CRYBG1: variants seen among roughly 807,000 people sequenced by gnomAD.
CRYBG1 encodes the protein beta/gamma crystallin domain-containing protein 1.
A neutral mutation model predicts 189.2 loss-of-function variants in CRYBG1; 139 were observed. That is an observed-to-expected ratio of 0.73 (90% CI 0.64 to 0.85). The LOEUF (loss-of-function observed/expected upper bound fraction) is 0.85, where lower values mean the gene tolerates loss of function less well. CRYBG1 is among the 40% of genes least tolerant of loss of function. The probability of loss-of-function intolerance (pLI) is 0.00; values close to 1 mark genes in which losing one functional copy is unlikely to be tolerated. For synonymous variants in CRYBG1, 1,023 were observed against 1,017.1 expected (o/e 1.01, Z -0.11); for missense variants, 2,611 against 2,675.8 (o/e 0.98, Z 0.53).
intron 1 of CRYBG1, among the ~76,000 whole-genome samples, chr6:106,439,729 C>T (rs1406734165): frequency 6.7e-6 from 1 of 150,306 alleles, no homozygotes; most frequent in Non-Finnish European, 1.5e-5. Context: ...TTTGTATCAT[C>T]CCTGACTGAA....
intron 2 of CRYBG1, among the ~76,000 whole-genome samples, chr6:106,485,399 T>C (rs1012918537): frequency 1.3e-5 from 2 of 152,222 alleles, no homozygotes; most frequent in African/African-American, 4.8e-5. Flanking sequence ...ACAGGTTTTT[T>C]TGGTGGATTC....
chr6:106,481,537 T>C (rs1213978965), intron 2 of CRYBG1, among the ~76,000 whole-genome samples: 1 of 151,464 alleles, frequency 6.6e-6, no homozygotes, highest in Non-Finnish European at 1.5e-5. Flanking sequence ...TCGATATCTT[T>C]ACCTTCTCTC....
At chr6:106,423,806 A>G (rs1771176950) in intron 1 of CRYBG1, among the ~76,000 whole-genome samples, 1 of 146,626 alleles carries the variant, frequency 6.8e-6, no homozygotes, top group African/African-American at 2.5e-5. Context: ...CCGGGGTTCA[A>G]GTGATCCTCC....
intron 21 of CRYBG1, among the ~76,000 whole-genome samples, chr6:106,567,993 T>G (rs1774941988): frequency 6.8e-6 from 1 of 146,838 alleles, no homozygotes; most frequent in Non-Finnish European, 1.5e-5. Flanking sequence ...TTTTCATTGT[T>G]CATGCAAGTG....
chr6:106,512,442 C>T lies in CRYBG1; in HGVS notation c.1325C>T (p.Ala442Val), dbSNP rs138380284. 4.3e-6 allele frequency: 7 copies of T among 1,610,298 alleles called. No homozygotes were observed. In the African/African-American group the frequency reaches 5.3e-5, roughly 12 times the overall value. ...GACGCCGAGCTCCCTGAGAGCGCTG[C>T]CAGGGACGACGCGGTGTTCGACGAC... The part of the protein sequence containing the change: ...GADAELPESA[A>V]RDDAVFDDEV... The change falls in exon 3 of 22, where the codon GCC becomes GTC. Residue 442 changes from alanine (A) to valine (V), a missense_variant. Ala to Val is a moderately conservative substitution (Grantham distance 64). This residue lies in a region of CRYBG1 where 985 missense variants were observed against 924.4 expected (regional missense o/e 1.07). Coordinates refer to ENST00000633556, the MANE Select transcript of CRYBG1 (RefSeq NM_001371242.2).
At chr6:106,466,299 G>A (rs1772113515) in intron 2 of CRYBG1, among the ~76,000 whole-genome samples, 1 of 152,182 alleles carries the variant, frequency 6.6e-6, no homozygotes, top group South Asian at 2.1e-4. Flanking sequence ...AGCACCAGAA[G>A]GTCAAAGTAT....
chr6:106,376,642 G>C (rs189038758), intron 1 of CRYBG1, among the ~76,000 whole-genome samples: 2 of 152,150 alleles, frequency 1.3e-5, no homozygotes, highest in East Asian at 1.9e-4. Flanking sequence ...TTATGCTTAG[G>C]GGGTAGTAGA....
At chr6:106,404,643 C>A (rs1250890014) in intron 1 of CRYBG1, among the ~76,000 whole-genome samples, 1 of 152,128 alleles carries the variant, frequency 6.6e-6, no homozygotes, top group African/African-American at 2.4e-5. Flanking sequence ...GAGATCAACA[C>A]AGAAGGTGGG....
chr6:106,497,345 A>G (rs1293967994), intron 2 of CRYBG1, among the ~76,000 whole-genome samples: 1 of 152,210 alleles, frequency 6.6e-6, no homozygotes, highest in African/African-American at 2.4e-5. Context: ...AACGAGAGGA[A>G]GTGTGAACTG....
intron 1 of CRYBG1, among the ~76,000 whole-genome samples, chr6:106,402,544 G>A (rs1400953599): frequency 2.3e-5 from 3 of 131,670 alleles, no homozygotes; most frequent in African/African-American, 8.9e-5. Context: ...ACAAGCAATG[G>A]GGAAAGGATT....
At chr6:106,437,488 G>A (rs1158685057) in intron 1 of CRYBG1, among the ~76,000 whole-genome samples, 2 of 152,028 alleles carry the variant, frequency 1.3e-5, no homozygotes, top group Admixed American at 6.6e-5. Context: ...GGCTGCTGGA[G>A]TACAGAGGTA....
chr6:106,555,647 ACT>A (rs1420345859), intron 16 of CRYBG1, 119 bp from the exon 17 acceptor site: 2 of 1,203,114 alleles, frequency 1.7e-6, no homozygotes, highest in Non-Finnish European at 2.3e-6. Context: ...TGAAGAAAGA[ACT>A]CTGTTTGCCA....
intron 3 of CRYBG1, among the ~76,000 whole-genome samples, chr6:106,518,690 G>T (rs1471349573): frequency 1.3e-5 from 2 of 152,190 alleles, no homozygotes; most frequent in Non-Finnish European, 2.9e-5. Flanking sequence ...GAGAATGGTG[G>T]CTCATGCCTG....
intron 1 of CRYBG1, among the ~76,000 whole-genome samples, chr6:106,402,001 C>T (rs576391556): frequency 2.0e-5 from 3 of 147,954 alleles, no homozygotes; most frequent in Non-Finnish European, 3.0e-5. Flanking sequence ...TATACACCAA[C>T]AACAGACAAA....
At chr6:106,460,311 C>T (rs933956810) in intron 2 of CRYBG1, among the ~76,000 whole-genome samples, 1 of 152,166 alleles carries the variant, frequency 6.6e-6, no homozygotes, top group East Asian at 1.9e-4. Context: ...CTTTTGTACA[C>T]TTATTGGCCA....
intron 4 of CRYBG1, 50 bp from the exon 5 acceptor site, chr6:106,525,083 G>GT: frequency 1.3e-6 from 2 of 1,589,398 alleles, no homozygotes; most frequent in Non-Finnish European, 1.7e-6. Flanking sequence ...AAAGAGGATC[G>GT]TTATGTGAAG....
chr6:106,438,014 G>T (rs925500180), intron 1 of CRYBG1, among the ~76,000 whole-genome samples: 21 of 152,204 alleles, frequency 1.4e-4, no homozygotes, highest in Admixed American at 7.8e-4. Flanking sequence ...TTTTTATGTT[G>T]GGACTTTTGG....
intron 2 of CRYBG1, among the ~76,000 whole-genome samples, chr6:106,504,144 G>T (rs1383583684): frequency 1.3e-5 from 2 of 151,918 alleles, no homozygotes; most frequent in African/African-American, 4.8e-5. Context: ...TAGCATCAGA[G>T]ATGAGGTGGG....
intron 2 of CRYBG1, among the ~76,000 whole-genome samples, chr6:106,510,601 G>T (rs1350036001): frequency 6.6e-5 from 10 of 152,218 alleles, no homozygotes; most frequent in Non-Finnish European, 1.2e-4. Context: ...GCGAGGAACG[G>T]GTCCCGGGGC....
Sources: allele counts gnomAD v4.1 joint callset (sites outside exome capture counted in the v4.1 genomes callset), GRCh38; gene constraint gnomAD v4.1.1; regional missense constraint gnomAD v4.1.1; transcripts MANE v1.5; gene names NCBI Gene and HGNC (gene_info 2026-07-23, HGNC 2026-07-21).